ANO6: variants seen among roughly 807,000 people sequenced by gnomAD.
ANO6 encodes the protein anoctamin-6.
ANO6 carries 106 observed loss-of-function variants against 117.5 expected under a neutral mutation model. The observed-to-expected ratio is 0.90, with a 90% CI of 0.77 to 1.06. The LOEUF is 1.06. Ranked by LOEUF, ANO6 falls within the 50% of genes least tolerant of loss-of-function variation. The probability of loss-of-function intolerance (pLI) is 0.00; values close to 1 mark genes in which losing one functional copy is unlikely to be tolerated. For missense variants in ANO6, 955 were observed against 1,121.1 expected (o/e 0.85, Z 2.12); for synonymous variants, 367 against 385.1 (o/e 0.95, Z 0.55).
chr12:45,390,898 G>T (rs1029302449), intron 12 of ANO6, among the ~76,000 whole-genome samples: 1 of 152,090 alleles, frequency 6.6e-6, no homozygotes, highest in Admixed American at 6.6e-5. Context: ...AAGGTGGGTG[G>T]ATCACCTGAG....
At chr12:45,320,844 G>C (rs549088187) in intron 2 of ANO6, among the ~76,000 whole-genome samples, 1 of 152,140 alleles carries the variant, frequency 6.6e-6, no homozygotes, top group South Asian at 2.1e-4. Context: ...AGATCTTCTC[G>C]TTGAATTAAT....
At position 45,232,198 on chromosome 12, in the gene ANO6, C is replaced by T. The variant is rs185362126; in HGVS notation, c.70+15807C>T. ...TCCCATCTTCAATAGAGCTTATATT[C>T]TAATAAGTGATAAAATAAAAACTAA... On this transcript the variant is annotated intron_variant, in intron 1 of 19. Coordinates refer to ENST00000320560, the MANE Select transcript of ANO6 (RefSeq NM_001025356.3). Among the ~76,000 whole-genome samples the T allele has an allele frequency of 7.9e-5, 12 of 152,240 alleles. No individual in the cohort carries two copies. The East Asian group carries it at 1.4e-3, about 17-fold the overall frequency.
intron 1 of ANO6, among the ~76,000 whole-genome samples, chr12:45,280,714 C>T (rs1025088): frequency 0.9 from 137,046 of 152,102 alleles, 62,828 homozygotes; most frequent in Non-Finnish European, 0.99. Flanking sequence ...CTGTCTTCCT[C>T]TATTCCACAC....
At position 45,430,759 on chromosome 12, in the gene ANO6, A is replaced by C. The variant is rs1485222914; in HGVS notation, c.*1448A>C. ...TCACTTTTGCTCAGCCTAGCAGTCT[A>C]CTTCACTTTATTGCCTTGTAAGTGT... On this transcript the variant is annotated 3_prime_UTR_variant, in exon 20 of 20. Transcript: ENST00000320560. The C allele has an allele frequency of 2.0e-6, 2 of 985,232 alleles. No homozygotes were observed. The highest frequency in any genetic ancestry group is 2.4e-6 in the Non-Finnish European group (2 of 829,930). The allele number at this position is 985,232 out of a possible 1,614,324, so 61.0% of individuals were successfully genotyped here. A position where few individuals can be genotyped will look rare whatever the true frequency, so the allele number is the denominator to read the frequency against.
At chr12:45,317,081 T>C (rs1405917779) in intron 2 of ANO6, among the ~76,000 whole-genome samples, 1 of 128,108 alleles carries the variant, frequency 7.8e-6, no homozygotes, top group Non-Finnish European at 1.7e-5. Flanking sequence ...TGCAGATCTC[T>C]TTAAGAAAAG....
chr12:45,390,261 T>C (rs2137581684), intron 11 of ANO6, among the ~76,000 whole-genome samples, 160 bp from the exon 12 acceptor site: 1 of 152,370 alleles, frequency 6.6e-6, no homozygotes, highest in South Asian at 2.1e-4. Context: ...GATGTGTGAC[T>C]TTGAAATTGT....
chr12:45,426,782 G>C lies in ANO6; in HGVS notation c.2527-2323G>C, dbSNP rs542016861. Among the ~76,000 whole-genome samples, 3 of 152,052 alleles carry C rather than the reference G, an allele frequency of 2.0e-5. No individual in the cohort carries two copies. In the South Asian group the frequency reaches 6.3e-4, roughly 32 times the overall value. ...TTAGTGATCCTGGGACTCATCCCTT[G>C]GTTGTCATCTTTTCTCTCTCCTTGG... On this transcript the variant is annotated intron_variant, in intron 19 of 19. Coordinates refer to ENST00000320560, the MANE Select transcript of ANO6 (RefSeq NM_001025356.3).
Position 45,421,288 on chromosome 12 carries a change from A to G in ANO6, c.2420+15A>G. The G allele has an allele frequency of 6.2e-7, 1 of 1,612,170 alleles. No homozygotes were observed. Among genetic ancestry groups the G allele is most frequent in the East Asian group, 2.2e-5 (1 of 44,828 alleles). On this transcript the variant is annotated intron_variant, in intron 18 of 19. Coordinates refer to ENST00000320560, the MANE Select transcript of ANO6 (RefSeq NM_001025356.3). ...ACCACATGCAGGCAAGTTCTGCTTTACTTGTTTAAAAATGCACTTCATCTT... is the reference window on the plus strand; with the variant it reads ...ACCACATGCAGGCAAGTTCTGCTTTGCTTGTTTAAAAATGCACTTCATCTT...
chr12:45,433,298 C>G (rs1357958307), downstream of ANO6, among the ~76,000 whole-genome samples: 1 of 152,216 alleles, frequency 6.6e-6, no homozygotes, highest in Non-Finnish European at 1.5e-5. Context: ...TTTGCTATAG[C>G]ATGCTCTGAA....
chr12:45,313,104 T>C (rs1565681767), intron 2 of ANO6: 1 of 152,092 alleles, frequency 6.6e-6, no homozygotes, highest in African/African-American at 2.4e-5. Flanking sequence ...ATCTGTGAGA[T>C]ATGAAGGAAG....
chr12:45,310,817 CA>C (rs1277148227), intron 2 of ANO6, among the ~76,000 whole-genome samples: 1 of 151,794 alleles, frequency 6.6e-6, no homozygotes, highest in Non-Finnish European at 1.5e-5. Flanking sequence ...TGACAGTTCT[CA>C]AAAAGGGGTG....
chr12:45,368,697 TTC>T (rs1363019627), intron 9 of ANO6, among the ~76,000 whole-genome samples: 3 of 152,338 alleles, frequency 2.0e-5, no homozygotes, highest in Admixed American at 6.5e-5. Flanking sequence ...TCCGATGATC[TTC>T]TCTCTATCCC....
At chr12:45,329,000 T>C (rs2137393814) in intron 2 of ANO6, among the ~76,000 whole-genome samples, 1 of 152,286 alleles carries the variant, frequency 6.6e-6, no homozygotes, top group Admixed American at 6.5e-5. Flanking sequence ...TACTCTCCAA[T>C]CTCAGTAAAT....
intron 12 of ANO6, among the ~76,000 whole-genome samples, chr12:45,391,807 C>G (rs890215388): frequency 3.9e-5 from 6 of 151,996 alleles, no homozygotes; most frequent in African/African-American, 1.5e-4. Context: ...TGCAGGGAGC[C>G]GAGACTGCAC....
intron 1 of ANO6, among the ~76,000 whole-genome samples, chr12:45,258,677 A>C (rs948867664): frequency 6.6e-6 from 1 of 151,940 alleles, no homozygotes; most frequent in African/African-American, 2.4e-5. Context: ...ACCTCCACAC[A>C]CCAATTTTGT....
At chr12:45,382,218 G>A (rs992059029) in intron 10 of ANO6, among the ~76,000 whole-genome samples, 1 of 152,120 alleles carries the variant, frequency 6.6e-6, no homozygotes, top group Admixed American at 6.6e-5. Flanking sequence ...ATGAGAATGG[G>A]TTAGAAAATG....
intron 6 of ANO6, among the ~76,000 whole-genome samples, chr12:45,349,344 CA>C (rs1169762129): frequency 1.3e-5 from 2 of 152,136 alleles, no homozygotes; most frequent in Non-Finnish European, 1.5e-5. Flanking sequence ...AGATGGTTGA[CA>C]TTTTTTTAAG....
chr12:45,408,085 T>C (rs1383618477), intron 15 of ANO6, among the ~76,000 whole-genome samples: 1 of 152,042 alleles, frequency 6.6e-6, no homozygotes, highest in Non-Finnish European at 1.5e-5. Flanking sequence ...CCCAGCAGAG[T>C]GAGCCGTTTG....
intron 2 of ANO6, among the ~76,000 whole-genome samples, chr12:45,328,454 C>T (rs571897408): frequency 5.5e-4 from 83 of 152,172 alleles, no homozygotes; most frequent in African/African-American, 2.0e-3. Flanking sequence ...TGTCTTCTAT[C>T]TCTGCAATAT....
Sources: gnomAD v4.1 joint callset for allele counts (sites outside exome capture counted in the v4.1 genomes callset) on GRCh38, gnomAD v4.1.1 for gene constraint, MANE v1.5 for transcripts, NCBI Gene and HGNC (gene_info 2026-07-23, HGNC 2026-07-21) for gene names.